The following ZBTB37 variants were observed in gnomAD, a reference collection of about 807,000 sequenced individuals.
The protein encoded by ZBTB37 is zinc finger and BTB domain containing 37, also known as zinc finger and BTB domain-containing protein 37.
Under a neutral mutation model 37.7 loss-of-function variants are expected in ZBTB37, and 15 were observed. The observed-to-expected ratio is 0.40, with a 90% CI of 0.27 to 0.61. ZBTB37 has a LOEUF of 0.61. Among genes scored for constraint, ZBTB37 ranks in the 20% least tolerant of loss-of-function variants. ZBTB37 has a pLI of 0.44. For missense variants in ZBTB37, 514 were observed against 641.9 expected, an observed-to-expected ratio of 0.80 and a Z score of 2.15; for synonymous variants, 231 against 220.6, an observed-to-expected ratio of 1.05 and a Z score of -0.42.
At chr1:173,887,384 A>C (rs181195852), downstream of ZBTB37, 114 of 152,324 alleles carry the variant, frequency 7.5e-4, no homozygotes, top group African/African-American at 2.3e-3. Context: ...TTTTAATAAT[A>C]TACTACAGGG....
Position 173,870,763 on chromosome 1 carries a change from G to A in ZBTB37, c.538G>A (p.Ala180Thr), listed in dbSNP as rs757341093. 2.5e-6 allele frequency: 4 copies of A among 1,614,228 alleles called. No individual in the cohort carries two copies. In the East Asian group the frequency reaches 8.9e-5, roughly 36 times the overall value. ...GGGAAACCGGCGAGGTCAGGTTAGT[G>A]CTGTGCTGGATATCAGAGAGCTAAG... is the stretch of plus-strand genomic sequence containing the variant. Residue 180 changes from alanine (A) to threonine (T), a missense_variant, in exon 3 of 5, where the codon GCT becomes ACT. Physicochemically the swap from Ala to Thr is moderately conservative, Grantham distance 58. Coordinates refer to ENST00000427304, the Ensembl canonical transcript of ZBTB37.
intron 4 of ZBTB37, among the ~76,000 whole-genome samples, chr1:173,878,501 C>G (rs868405877): frequency 3.3e-5 from 5 of 152,286 alleles, no homozygotes; most frequent in Middle Eastern, 3.4e-3. Context: ...CCCAGTACAG[C>G]ACAATCAACC....
At chr1:173,892,974 C>G (rs1656903201) in exon 4 of ZBTB37, 2 of 152,244 alleles carry the variant, frequency 1.3e-5, no homozygotes, top group South Asian at 4.1e-4. Context: ...TCAATCTTGG[C>G]TCACTGCAAT....
chr1:173,872,091 C>T (rs539884802), intron 3 of ZBTB37, among the ~76,000 whole-genome samples: 63 of 152,240 alleles, frequency 4.1e-4, no homozygotes, highest in African/African-American at 1.1e-3. Flanking sequence ...TTATTTGAGA[C>T]GGAGTCTCGC....
intron 4 of ZBTB37, among the ~76,000 whole-genome samples, chr1:173,883,471 CA>C (rs1467570470): frequency 6.6e-6 from 1 of 151,580 alleles, no homozygotes; most frequent in South Asian, 2.1e-4. Context: ...AACTCCGTCT[CA>C]AAAAAAAGAA....
chr1:173,874,255 C>CAA (rs1285477473), intron 4 of ZBTB37, among the ~76,000 whole-genome samples: 6 of 46,742 alleles, frequency 1.3e-4, no homozygotes, highest in South Asian at 7.2e-4. Context: ...AACTCCGTCT[C>CAA]AAAAAAAAAA....
downstream of ZBTB37, chr1:173,889,871 G>A (rs754531487): frequency 6.6e-6 from 1 of 152,116 alleles, no homozygotes; most frequent in Admixed American, 6.5e-5. Flanking sequence ...TTTATTTTTT[G>A]TCATTTTTTA....
At chr1:173,883,644 A>C (rs1656459048) in intron 4 of ZBTB37, among the ~76,000 whole-genome samples, 1 of 152,170 alleles carries the variant, frequency 6.6e-6, no homozygotes, top group African/African-American at 2.4e-5. Context: ...CTCATTCTTT[A>C]TGTGAACTCA....
At chr1:173,880,519 T>G (rs1005808953) in intron 4 of ZBTB37, among the ~76,000 whole-genome samples, 3 of 152,182 alleles carry the variant, frequency 2.0e-5, no homozygotes, top group Admixed American at 1.3e-4. Context: ...ATGGAGTAAT[T>G]CATTAAGAAA....
exon 4 of ZBTB37, chr1:173,902,419 T>TG (rs1412169469): frequency 6.6e-6 from 1 of 152,260 alleles, no homozygotes; most frequent in Non-Finnish European, 1.5e-5. Flanking sequence ...CCTACCAGTC[T>TG]GTTTTTTCCC....
intron 4 of ZBTB37, among the ~76,000 whole-genome samples, chr1:173,882,681 A>C (rs1656403249): frequency 6.6e-6 from 1 of 152,152 alleles, no homozygotes; most frequent in African/African-American, 2.4e-5. Flanking sequence ...GGTATTGCCT[A>C]GGTTTTCTTC....
intron 4 of ZBTB37, among the ~76,000 whole-genome samples, chr1:173,882,589 C>A (rs61827930): frequency 0.094 from 14,261 of 152,116 alleles, 906 homozygotes; most frequent in East Asian, 0.24. Flanking sequence ...TTAATTAGAT[C>A]CCGTTTGTCT....
chr1:173,889,033 A>G (rs1210609114), downstream of ZBTB37: 1 of 152,226 alleles, frequency 6.6e-6, no homozygotes, highest in Non-Finnish European at 1.5e-5. Flanking sequence ...ATCTAGGACC[A>G]CTTTAGCACA....
exon 3 of ZBTB37, chr1:173,870,437 T>C: frequency 6.2e-7 from 1 of 1,614,240 alleles, no homozygotes; most frequent in Non-Finnish European, 8.5e-7. Flanking sequence ...ACAGTCTCCA[T>C]TTCAGTCATC....
chr1:173,872,205 A>T (rs1655613479), intron 3 of ZBTB37, among the ~76,000 whole-genome samples: 1 of 151,740 alleles, frequency 6.6e-6, no homozygotes, highest in Non-Finnish European at 1.5e-5. Flanking sequence ...AGTAGCTGGG[A>T]CTACAGGTCC....
exon 4 of ZBTB37, chr1:173,893,989 G>A (rs151303740): frequency 6.6e-6 from 1 of 152,232 alleles, no homozygotes; most frequent in Non-Finnish European, 1.5e-5. Flanking sequence ...CTTATCAAGA[G>A]TTGAAGTTGA....
exon 4 of ZBTB37, chr1:173,895,104 T>G (rs1447215644): frequency 6.6e-6 from 1 of 152,146 alleles, no homozygotes; most frequent in Non-Finnish European, 1.5e-5. Context: ...TACATTTTTT[T>G]TGTTTGTTTT....
At chr1:173,874,971 A>T (rs916666387) in intron 4 of ZBTB37, among the ~76,000 whole-genome samples, 3 of 151,986 alleles carry the variant, frequency 2.0e-5, no homozygotes, top group Non-Finnish European at 2.9e-5. Context: ...AGAGTTTGGG[A>T]AATATAAAAA....
At position 173,885,824 on chromosome 1, in the gene ZBTB37, C is replaced by T. The variant is rs1450054540; in HGVS notation, c.1212C>T (p.Arg404=). Residue 404 remains arginine, a synonymous_variant, in exon 5 of 5, where the codon CGC becomes CGT. Transcript: ENST00000427304. Reference sequence around the variant, plus strand: ...TGGGGATCACACCATTCGTCTGCCGCATGTGTGGCAAGAAGTATACCCGGA... The same window carrying T: ...TGGGGATCACACCATTCGTCTGCCGTATGTGTGGCAAGAAGTATACCCGGA... The T allele has an allele frequency of 2.6e-6, 4 of 1,551,692 alleles. No homozygotes were observed. The South Asian group carries it at 3.6e-5, about 14-fold the overall frequency.
Sources: gnomAD v4.1 joint callset for allele counts (sites outside exome capture counted in the v4.1 genomes callset) on GRCh38, gnomAD v4.1.1 for gene constraint, MANE v1.5 for transcripts, NCBI Gene and HGNC (gene_info 2026-07-23, HGNC 2026-07-21) for gene names.